The following RMST variants were observed in gnomAD, a reference collection of about 807,000 sequenced individuals.
RMST encodes the protein long intergenic non-protein coding RNA 54.
chr12:97,557,061 GT>G (rs1286430406), intron 11 of RMST, among the ~76,000 whole-genome samples: 3 of 152,088 alleles, frequency 2.0e-5, no homozygotes, highest in Non-Finnish European at 4.4e-5. Context: ...ACCAAGTTAT[GT>G]TTAAAAATAA....
intron 10 of RMST, among the ~76,000 whole-genome samples, chr12:97,507,419 A>T (rs1354123494): frequency 6.6e-6 from 1 of 152,178 alleles, no homozygotes; most frequent in East Asian, 1.9e-4. Flanking sequence ...AATTTTAGGC[A>T]TAGTAATAAG....
Position 97,503,459 on chromosome 12 carries a change from G to GA in RMST, n.1340+7415dup, listed in dbSNP as rs532563234. On this transcript the variant is annotated intron_variant and non_coding_transcript_variant, in intron 10 of 13. Transcript: ENST00000640149. ...TATTGTTTATTTTTTTTAATTCCAG[G>GA]AAAAAAAAAAAAGGTGGGATGCTTA... Among the ~76,000 whole-genome samples the GA allele has an allele frequency of 3.7e-3, 490 of 132,952 alleles. 2 individuals carry two copies. The highest frequency in any genetic ancestry group is 9.7e-3 in the African/African-American group (354 of 36,464). 87.2% of individuals were successfully genotyped at this position (132,952 alleles called of 152,430 possible).
At chr12:97,509,241 T>C (rs1358368080) in intron 10 of RMST, among the ~76,000 whole-genome samples, 3 of 152,244 alleles carry the variant, frequency 2.0e-5, no homozygotes, top group Non-Finnish European at 4.4e-5. Context: ...ACCATAGGCA[T>C]ACAGCTGATA....
intron 10 of RMST, among the ~76,000 whole-genome samples, chr12:97,516,529 T>A (rs1294628240): frequency 6.6e-6 from 1 of 152,072 alleles, no homozygotes; most frequent in Non-Finnish European, 1.5e-5. Flanking sequence ...TTATAATTTA[T>A]AAAATTAAAA....
intron 10 of RMST, among the ~76,000 whole-genome samples, chr12:97,507,267 T>C (rs1272705471): frequency 7.7e-6 from 1 of 129,090 alleles, no homozygotes; most frequent in Non-Finnish European, 1.5e-5. Flanking sequence ...GTTTTTTTTT[T>C]GTTTTTGTCT....
chr12:97,472,810 G>A (rs1874083298), intron 5 of RMST, among the ~76,000 whole-genome samples: 1 of 151,994 alleles, frequency 6.6e-6, no homozygotes, highest in Admixed American at 6.6e-5. Context: ...GACTAAAATG[G>A]TTTTGCTTTG....
At chr12:97,477,725 C>A (rs1874724297) in intron 5 of RMST, among the ~76,000 whole-genome samples, 1 of 152,068 alleles carries the variant, frequency 6.6e-6, no homozygotes, top group African/African-American at 2.4e-5. Flanking sequence ...TCTGTCTCTG[C>A]AATGAGGAAG....
chr12:97,526,153 A>C (rs535529399), intron 10 of RMST, among the ~76,000 whole-genome samples: 24 of 152,160 alleles, frequency 1.6e-4, no homozygotes, highest in African/African-American at 5.5e-4. Context: ...TGCACAATAA[A>C]TGTAATGCGC....
intron 10 of RMST, among the ~76,000 whole-genome samples, chr12:97,527,162 G>A (rs1211571712): frequency 1.3e-5 from 2 of 152,120 alleles, no homozygotes; most frequent in East Asian, 1.9e-4. Flanking sequence ...AGTGATAAGA[G>A]GGATAGGAAG....
chr12:97,518,505 G>A (rs530148641), intron 10 of RMST, among the ~76,000 whole-genome samples: 1 of 151,960 alleles, frequency 6.6e-6, no homozygotes, highest in East Asian at 1.9e-4. Flanking sequence ...CATAATTTGT[G>A]ACCTTGTTCA....
chr12:97,493,055 A>T (rs1253389930), intron 6 of RMST: 2 of 152,478 alleles, frequency 1.3e-5, no homozygotes, highest in Admixed American at 6.5e-5. Context: ...AGAAAAAATC[A>T]AGCAAAGTTA....
At chr12:97,549,461 G>T (rs902169074) in intron 11 of RMST, among the ~76,000 whole-genome samples, 1 of 152,172 alleles carries the variant, frequency 6.6e-6, no homozygotes, top group Non-Finnish European at 1.5e-5. Context: ...TAGCCCGAAA[G>T]GGCAATAAAT....
intron 5 of RMST, among the ~76,000 whole-genome samples, chr12:97,480,122 G>T (rs1245084081): frequency 3.9e-5 from 5 of 129,418 alleles, no homozygotes; most frequent in African/African-American, 9.5e-5. Context: ...ACAGAGTTTC[G>T]CTCTGTCACC....
At chr12:97,532,378 C>T (rs139133619) in intron 11 of RMST, among the ~76,000 whole-genome samples, 241 of 151,950 alleles carry the variant, frequency 1.6e-3, no homozygotes, top group African/African-American at 5.7e-3. Context: ...ACATTTGCTT[C>T]CTCCAAATCA....
chr12:97,487,373 G>A (rs1165535232), intron 5 of RMST, among the ~76,000 whole-genome samples: 2 of 152,048 alleles, frequency 1.3e-5, no homozygotes, highest in Admixed American at 6.6e-5. Context: ...GTTAGACTTC[G>A]TATATGATAT....
chr12:97,561,272 A>G (rs185192274), intron 13 of RMST, among the ~76,000 whole-genome samples: 2,354 of 152,304 alleles, frequency 0.015, 64 homozygotes, highest in African/African-American at 0.052. Context: ...CTCTCCTCCG[A>G]GCCAATGACT....
At chr12:97,532,669 T>TA (rs1555233278) in intron 11 of RMST, 4 of 148,932 alleles carry the variant, frequency 2.7e-5, no homozygotes, top group Non-Finnish European at 6.0e-5. Flanking sequence ...TTTTTTTTTT[T>TA]AAACAGGATT....
intron 12 of RMST, chr12:97,560,746 A>T (rs773878338): frequency 2.3e-4 from 35 of 152,186 alleles, no homozygotes; most frequent in Non-Finnish European, 4.0e-4. Flanking sequence ...GTATACAAAT[A>T]TGTTTATATA....
intron 11 of RMST, among the ~76,000 whole-genome samples, chr12:97,535,809 T>C (rs1363104867): frequency 6.6e-6 from 1 of 151,604 alleles, no homozygotes; most frequent in Admixed American, 6.6e-5. Flanking sequence ...AGAGGAAGTA[T>C]GAGAAGAGGG....
Sources: allele counts gnomAD v4.1 joint callset (sites outside exome capture counted in the v4.1 genomes callset), GRCh38; gene constraint gnomAD v4.1.1; transcripts MANE v1.5; gene names NCBI Gene and HGNC (gene_info 2026-07-23, HGNC 2026-07-21).